MROH2B: variants seen among roughly 807,000 people sequenced by gnomAD.
The protein encoded by MROH2B is maestro heat like repeat family member 2B, also known as maestro heat-like repeat-containing protein family member 2B.
A neutral mutation model predicts 208.6 loss-of-function variants in MROH2B; 177 were observed. The observed-to-expected ratio is 0.85, with a 90% CI of 0.75 to 0.96. The LOEUF (loss-of-function observed/expected upper bound fraction) is 0.96. MROH2B is among the 40% of genes least tolerant of loss of function. The pLI, the probability that MROH2B is intolerant of heterozygous loss-of-function variation, is 0.00. For synonymous variants in MROH2B, 728 were observed against 659.0 expected (o/e 1.10, Z -1.60); for missense variants, 2,002 against 1,878.7 (o/e 1.07, Z -1.21).
chr5:41,000,463 T>C, intron 38 of MROH2B, 112 bp from the exon 39 acceptor site: 2 of 1,437,470 alleles, frequency 1.4e-6, no homozygotes, highest in Non-Finnish European at 1.9e-6. Flanking sequence ...GTGGTGTGAA[T>C]GGCTTTATAG....
intron 11 of MROH2B, among the ~76,000 whole-genome samples, chr5:41,053,821 A>C (rs325872): frequency 6.6e-6 from 1 of 152,072 alleles, no homozygotes; most frequent in Non-Finnish European, 1.5e-5. Flanking sequence ...TATTTTAAAC[A>C]TAGTCACTGG....
chr5:41,060,604 A>G (rs1174955438), intron 6 of MROH2B, among the ~76,000 whole-genome samples: 1 of 152,142 alleles, frequency 6.6e-6, no homozygotes, highest in African/African-American at 2.4e-5. Context: ...GAGCAGCTTC[A>G]TGGGCTGCAA....
chr5:41,015,261 G>T lies in MROH2B; in HGVS notation c.2982+120C>A, dbSNP rs918452083. ...TGTACTCTAAGTTAGAAAATGACAG[G>T]ACCACGGGTCCCTCATTCAGCTTGA... On this transcript the variant is annotated intron_variant, in intron 29 of 41. Coordinates refer to ENST00000399564, the MANE Select transcript of MROH2B (RefSeq NM_173489.5). The T allele has an allele frequency of 2.6e-5, 21 of 804,206 alleles. No individual in the cohort carries two copies. In the South Asian group the frequency reaches 3.9e-4, roughly 15 times the overall value. 49.8% of individuals were successfully genotyped at this position (804,206 alleles called of 1,614,324 possible). A position where few individuals can be genotyped will look rare whatever the true frequency, so the allele number is the denominator to read the frequency against.
At chr5:41,021,377 T>C (rs1008099647) in intron 24 of MROH2B, among the ~76,000 whole-genome samples, 1 of 152,214 alleles carries the variant, frequency 6.6e-6, no homozygotes, top group Non-Finnish European at 1.5e-5. Flanking sequence ...AGAATAGATG[T>C]ACAGATTTAA....
In MROH2B at chr5:41,064,556, G is replaced by T. The variant is rs763618998; in HGVS notation, c.376C>A (p.Pro126Thr). Residue 126 changes from proline (P) to threonine (T), a missense_variant, in exon 5 of 42, where the codon CCT becomes ACT. Coordinates refer to ENST00000399564, the MANE Select transcript of MROH2B (RefSeq NM_173489.5). ...GTGAGCAGGGTCATCATCATGAAAG[G>T]AATACTCTGGGACACTGGAGGGAGA... is the stretch of plus-strand genomic sequence containing the variant. ...LATSYVSQSI[P>T]FMMMTLLTMQ... 3.8e-5 allele frequency: 61 copies of T among 1,612,992 alleles called. No individual in the cohort carries two copies. Among genetic ancestry groups the T allele is most frequent in the Non-Finnish European group, 5.0e-5 (59 of 1,179,412 alleles).
At position 41,054,849 on chromosome 5, in the gene MROH2B, C is replaced by G. The variant is rs752082827; in HGVS notation, c.1034-9G>C. ...ATCCCTCAACCTGGGCTCTGAAAGA[C>G]AGAGGGAGAAATTGAGAGGCCTGAC... On this transcript the variant is annotated splice_polypyrimidine_tract_variant and intron_variant, in intron 10 of 41. Coordinates refer to ENST00000399564, the MANE Select transcript of MROH2B (RefSeq NM_173489.5). 8 of 1,602,732 alleles carry G rather than the reference C, an allele frequency of 5.0e-6. No homozygotes were observed. The highest frequency in any genetic ancestry group is 6.8e-6 in the Non-Finnish European group (8 of 1,173,424).
chr5:41,066,852 C>A (rs1320407513), intron 3 of MROH2B, among the ~76,000 whole-genome samples: 1 of 152,090 alleles, frequency 6.6e-6, no homozygotes, highest in Non-Finnish European at 1.5e-5. Flanking sequence ...TTGAAAAAAA[C>A]ATATCTCTAA....
At chr5:41,016,510 T>TTG (rs1177997752) in intron 28 of MROH2B, among the ~76,000 whole-genome samples, 56 of 140,902 alleles carry the variant, frequency 4.0e-4, no homozygotes, top group Non-Finnish European at 7.5e-4. Context: ...TTTTTTTTTT[T>TTG]TTTTTTTTTT....
At chr5:41,035,347 A>G (rs1446046288) in intron 21 of MROH2B, among the ~76,000 whole-genome samples, 5 of 152,136 alleles carry the variant, frequency 3.3e-5, no homozygotes, top group Non-Finnish European at 7.4e-5. Context: ...AGGACTCCCT[A>G]CTCAATAAAT....
At chr5:41,000,128 C>A in intron 39 of MROH2B, 92 bp downstream of exon 39, 1 of 1,536,260 alleles carries the variant, frequency 6.5e-7, no homozygotes. Flanking sequence ...CTGGCTCTGG[C>A]CAGAAATTCC....
At chr5:41,027,167 C>G (rs1300563745) in intron 24 of MROH2B, among the ~76,000 whole-genome samples, 1 of 152,146 alleles carries the variant, frequency 6.6e-6, no homozygotes, top group Non-Finnish European at 1.5e-5. Flanking sequence ...GCAATGGCAA[C>G]AAAAGCAAAA....
At chr5:41,035,043 A>G (rs550521178) in intron 21 of MROH2B, among the ~76,000 whole-genome samples, 9 of 152,190 alleles carry the variant, frequency 5.9e-5, no homozygotes, top group African/African-American at 1.2e-4. Context: ...TACAGATTCA[A>G]TGGTATTCCT....
At position 40,998,674 on chromosome 5, in the gene MROH2B, G is replaced by T; in HGVS notation, c.4589C>A (p.Ala1530Asp). ...IRSAAVKLTD[A>D]VVLNLTSQYV... ...TTGGCTGGTCAAATTGAGAACAACG[G>T]CATCTAAAGTTAATAGGAGACCATG... Residue 1530 changes from alanine to aspartate, a missense_variant, in exon 41 of 42, where the codon GCC (alanine) becomes GAC (aspartate). Physicochemically the swap from Ala to Asp is moderately radical, Grantham distance 126. Coordinates refer to ENST00000399564, the MANE Select transcript of MROH2B (RefSeq NM_173489.5). 6.3e-7 allele frequency: 1 copy of T among 1,580,660 alleles called. No individual in the cohort carries two copies. Among genetic ancestry groups the T allele is most frequent in the South Asian group, 1.2e-5 (1 of 86,206 alleles).
intron 29 of MROH2B, among the ~76,000 whole-genome samples, chr5:41,013,517 C>G (rs1741840088): frequency 6.6e-6 from 1 of 152,190 alleles, no homozygotes; most frequent in Non-Finnish European, 1.5e-5. Context: ...CTAGAGCGTT[C>G]CTATTTACAA....
chr5:41,049,384 G>A lies in MROH2B; in HGVS notation c.1397C>T (p.Ala466Val). The A allele has an allele frequency of 6.2e-7, 1 of 1,613,758 alleles. No homozygotes were observed. The highest frequency in any genetic ancestry group is 1.1e-5 in the South Asian group (1 of 91,072). The change falls in exon 14 of 42, where the codon GCT (alanine) becomes GTT (valine). Residue 466 changes from alanine to valine, a missense_variant. Ala to Val is a moderately conservative substitution (Grantham distance 64, BLOSUM62 0). Coordinates refer to ENST00000399564, the MANE Select transcript of MROH2B (RefSeq NM_173489.5). Reference sequence around the variant, plus strand: ...GATGATACTAAACAGGGGCTCCAGAGCTTCTGTGTATTCTGCAGGTACCAC... The same window carrying A: ...GATGATACTAAACAGGGGCTCCAGAACTTCTGTGTATTCTGCAGGTACCAC... ...TFVVPAEYTE[A>V]LEPLFSIIRI...
intron 30 of MROH2B, 52 bp downstream of exon 30, chr5:41,012,531 T>A: frequency 6.4e-7 from 1 of 1,573,406 alleles, no homozygotes; most frequent in African/African-American, 1.4e-5. Context: ...TGACTTGGCA[T>A]TTCAGAAGTG....
intron 30 of MROH2B, among the ~76,000 whole-genome samples, chr5:41,011,528 G>A (rs1741773135): frequency 6.6e-6 from 1 of 152,176 alleles, no homozygotes; most frequent in Non-Finnish European, 1.5e-5. Flanking sequence ...TTAGCACAGA[G>A]GTAATTTTCA....
At chr5:41,052,004 TG>T (rs1743298841) in intron 12 of MROH2B, among the ~76,000 whole-genome samples, 1 of 152,170 alleles carries the variant, frequency 6.6e-6, no homozygotes, top group Non-Finnish European at 1.5e-5. Flanking sequence ...CTTACTTCAC[TG>T]TTCCATGGTA....
At position 41,053,915 on chromosome 5, in the gene MROH2B, C is replaced by CA. The variant is rs531617667; in HGVS notation, c.1107+851dup. On this transcript the variant is annotated intron_variant, in intron 11 of 41. Coordinates refer to ENST00000399564, the MANE Select transcript of MROH2B (RefSeq NM_173489.5). Reference sequence around the variant, plus strand: ...TTCCAAACAAAATGTGGTATTCTTACAAAAATATAATATTTGATAATGTTT... The same window carrying CA: ...TTCCAAACAAAATGTGGTATTCTTACAAAAAATATAATATTTGATAATGTTT... Among the ~76,000 whole-genome samples the CA allele has an allele frequency of 1.2e-3, 184 of 152,162 alleles. 2 individuals are homozygous for CA. Among genetic ancestry groups the CA allele is most frequent in the Non-Finnish European group, 1.8e-4 (12 of 67,978 alleles).
Sources: gnomAD v4.1 joint callset for allele counts (sites outside exome capture counted in the v4.1 genomes callset) on GRCh38, gnomAD v4.1.1 for gene constraint, MANE v1.5 for transcripts, NCBI Gene and HGNC (gene_info 2026-07-23, HGNC 2026-07-21) for gene names.